CFAP100: variants seen among roughly 807,000 people sequenced by gnomAD.
CFAP100 encodes cilia- and flagella-associated protein 100.
In CFAP100, 70 loss-of-function variants were observed where a neutral mutation model predicts 81.5. The ratio of observed to expected loss-of-function variants is 0.86; its 90% CI spans 0.71 to 1.05. The LOEUF is 1.05. CFAP100 is among the 50% of genes least tolerant of loss of function. The pLI is 0.00. For synonymous variants in CFAP100, 341 were observed against 314.8 expected, an observed-to-expected ratio of 1.08 and a Z score of -0.88; for missense variants, 811 against 776.5, an observed-to-expected ratio of 1.04 and a Z score of -0.53.
At chr3:126,424,393 G>C (rs902612684) in intron 13 of CFAP100, among the ~76,000 whole-genome samples, 6 of 152,252 alleles carry the variant, frequency 3.9e-5, no homozygotes, top group African/African-American at 1.2e-4. Flanking sequence ...TGCCCTCCCA[G>C]TTCCAGCCAG....
At chr3:126,412,407 AT>A (rs1391816366) in intron 3 of CFAP100, among the ~76,000 whole-genome samples, 3 of 152,158 alleles carry the variant, frequency 2.0e-5, no homozygotes, top group African/African-American at 7.2e-5. Flanking sequence ...AGGTTTGGGG[AT>A]TAGGGCACGG....
Position 126,435,553 on chromosome 3 carries a change from AC to A in CFAP100, c.1629-3del, listed in dbSNP as rs1347705739. The A allele has an allele frequency of 6.2e-7, 1 of 1,609,678 alleles. No individual in the cohort carries two copies. The highest frequency in any genetic ancestry group is 8.5e-7 in the Non-Finnish European group (1 of 1,177,000). On this transcript the variant is annotated splice_polypyrimidine_tract_variant and splice_region_variant and intron_variant, in intron 15 of 16. Coordinates refer to ENST00000352312, the MANE Select transcript of CFAP100 (RefSeq NM_182628.3). ...CCAGTTTTCAATGTCATTTCTTGCC[AC>A]CCAGACTTCGAGAAGAGAAGCTCCA...
chr3:126,423,416 CCT>C (rs746054771), intron 12 of CFAP100, 40 bp downstream of exon 12: 6 of 1,608,204 alleles, frequency 3.7e-6, no homozygotes, highest in Middle Eastern at 1.6e-4. Flanking sequence ...GGAAGTCGCC[CCT>C]CTCTTTCCCT....
At chr3:126,397,799 G>A (rs1371436977) in intron 2 of CFAP100, among the ~76,000 whole-genome samples, 1 of 152,260 alleles carries the variant, frequency 6.6e-6, no homozygotes, top group East Asian at 1.9e-4. Context: ...GACAAAGGTA[G>A]GGGCCAAAAT....
At chr3:126,396,135 T>G in intron 2 of CFAP100, 86 bp downstream of exon 2, 9 of 1,019,064 alleles carry the variant, frequency 8.8e-6, no homozygotes, top group Non-Finnish European at 1.1e-5. Flanking sequence ...AAGGTAGCTC[T>G]AAACCAAACA....
At chr3:126,397,867 C>T (rs535895063) in intron 2 of CFAP100, among the ~76,000 whole-genome samples, 13 of 151,204 alleles carry the variant, frequency 8.6e-5, no homozygotes, top group African/African-American at 2.7e-4. Flanking sequence ...ACAGATAGGA[C>T]CCCCCCTCAA....
At chr3:126,401,395 TTTTATATATATATATATATATATATA>T (rs1313059337) in intron 2 of CFAP100, among the ~76,000 whole-genome samples, 3 of 55,036 alleles carry the variant, frequency 5.5e-5, no homozygotes, top group African/African-American at 1.5e-4. Flanking sequence ...GCAAATCGTA[TTTTATATATATATATATATATATATA>T]TATATATATA....
At chr3:126,432,831 A>G in intron 13 of CFAP100, 1 of 395,948 alleles carries the variant, frequency 2.5e-6, no homozygotes. Context: ...TTGTCTGTGA[A>G]TTATGCCTCA....
intron 13 of CFAP100, among the ~76,000 whole-genome samples, chr3:126,427,935 G>A (rs35638888): frequency 0.23 from 34,659 of 151,992 alleles, 4,169 homozygotes; most frequent in East Asian, 0.36. Flanking sequence ...GAGTGGGGAG[G>A]TGCCACACAC....
chr3:126,415,564 C>T (rs1051159772), intron 4 of CFAP100, among the ~76,000 whole-genome samples: 2 of 152,168 alleles, frequency 1.3e-5, no homozygotes, highest in Non-Finnish European at 2.9e-5. Flanking sequence ...TTCCAGGGGC[C>T]TCAGGCTGGA....
At chr3:126,423,747 G>A in intron 13 of CFAP100, 103 bp downstream of exon 13, 1 of 1,398,384 alleles carries the variant, frequency 7.2e-7, no homozygotes, top group Non-Finnish European at 1.0e-6. Flanking sequence ...ACCCGTCCGT[G>A]GCCCTGGCCT....
chr3:126,419,471 G>T (rs2083294103), intron 8 of CFAP100, among the ~76,000 whole-genome samples, 166 bp from the exon 9 acceptor site: 2 of 152,186 alleles, frequency 1.3e-5, no homozygotes, highest in Admixed American at 6.5e-5. Context: ...CTTGTTGCAG[G>T]GTGGGTGCCT....
Position 126,414,164 on chromosome 3 carries a change from G to A in CFAP100, c.210G>A (p.Arg70=). Residue 70 remains arginine (R), a synonymous_variant, in exon 4 of 17, where the codon CGG becomes CGA. Coordinates refer to ENST00000352312, the MANE Select transcript of CFAP100 (RefSeq NM_182628.3). ...VDFFLLRDQE[R]NKALSERQQQ... is the part of the protein sequence containing the mutation. Reference sequence around the variant, plus strand: ...TCTTCTTGCTCAGAGATCAGGAGCGGAATAAGGCTCTCTCCGTGAGTATCC... The same window carrying A: ...TCTTCTTGCTCAGAGATCAGGAGCGAAATAAGGCTCTCTCCGTGAGTATCC... The A allele has an allele frequency of 6.2e-7, 1 of 1,613,578 alleles. No homozygotes were observed. Among genetic ancestry groups the A allele is most frequent in the Non-Finnish European group, 8.5e-7 (1 of 1,179,494 alleles).
intron 2 of CFAP100, among the ~76,000 whole-genome samples, chr3:126,397,694 G>A (rs943055369): frequency 6.6e-6 from 1 of 152,226 alleles, no homozygotes; most frequent in Non-Finnish European, 1.5e-5. Context: ...GGGTCAGGGA[G>A]GTTGGCATGG....
At position 126,434,326 on chromosome 3, in the gene CFAP100, C is replaced by T. The variant is rs773960381; in HGVS notation, c.1573C>T (p.Pro525Ser). The T allele has an allele frequency of 1.9e-6, 3 of 1,614,088 alleles. No individual in the cohort carries two copies. The highest frequency in any genetic ancestry group is 2.2e-5 in the South Asian group (2 of 91,090). ...DELLENLEHV[P>S]QVKIEQAERA... The stretch of plus-strand genomic sequence containing the variant: ...GCTGCTAGAGAACCTGGAGCACGTG[C>T]CCCAGGTCAAGATCGAGCAGGCCGA... Residue 525 changes from proline (P) to serine (S), a missense_variant, in exon 15 of 17, where the codon CCC (proline) becomes TCC (serine). By Grantham distance (74) the Pro-to-Ser change is moderately conservative (BLOSUM62 -1). Coordinates refer to ENST00000352312, the MANE Select transcript of CFAP100 (RefSeq NM_182628.3).
chr3:126,421,676 G>C (rs2083334035), intron 11 of CFAP100, among the ~76,000 whole-genome samples: 1 of 152,158 alleles, frequency 6.6e-6, no homozygotes, highest in Admixed American at 6.5e-5. Context: ...GCCTATTCCT[G>C]AACTCCACAC....
rs1429046224 is a variant in CFAP100, at chr3:126,423,484, G to C, written c.1135-9G>C. On this transcript the variant is annotated splice_polypyrimidine_tract_variant and intron_variant, in intron 12 of 16. Coordinates refer to ENST00000352312, the MANE Select transcript of CFAP100 (RefSeq NM_182628.3). Reference sequence around the variant, plus strand: ...CTGTCCAGTCCCTGCCAAAACCTGTGGGTTGCAGGAACCACAGCTGTACTT... The same window carrying C: ...CTGTCCAGTCCCTGCCAAAACCTGTCGGTTGCAGGAACCACAGCTGTACTT... 6.2e-7 allele frequency: 1 copy of C among 1,613,970 alleles called. No homozygotes were observed. The highest frequency in any genetic ancestry group is 1.7e-5 in the Admixed American group (1 of 60,004).
rs570463185 is a variant in CFAP100, at chr3:126,436,308, A to G, written c.1740A>G (p.Val580=). The G allele has an allele frequency of 7.4e-6, 12 of 1,613,636 alleles. No individual in the cohort carries two copies. Among genetic ancestry groups the G allele is most frequent in the Non-Finnish European group, 1.0e-5 (12 of 1,179,820 alleles). ...CCCTGCAGAGAGGCAGGACACTGGT[A>G]TGCCGCTCACGACCCCCAGCCCACA... The part of the protein sequence containing the change: ...EIKKKRGRTL[V]CRSRPPAHRI... Residue 580 remains valine, a synonymous_variant, in exon 17 of 17, where the codon GTA becomes GTG. Transcript: ENST00000352312.
chr3:126,396,172 C>T, intron 2 of CFAP100, 123 bp downstream of exon 2: 1 of 748,754 alleles, frequency 1.3e-6, no homozygotes, highest in Admixed American at 2.1e-5. Flanking sequence ...GATCTGCCTA[C>T]TTCCCTTGAA....
Sources: allele counts gnomAD v4.1 joint callset (sites outside exome capture counted in the v4.1 genomes callset), GRCh38; gene constraint gnomAD v4.1.1; transcripts MANE v1.5; gene names NCBI Gene and HGNC (gene_info 2026-07-23, HGNC 2026-07-21).